Variants in ADARB2 observed in about 807,000 individuals in gnomAD.
ADARB2 encodes inactive double-stranded RNA-specific editase B2.
In ADARB2, 25 loss-of-function variants were observed where a neutral mutation model predicts 62.2. That is an observed-to-expected ratio of 0.40 (90% CI 0.29 to 0.56). ADARB2 has a LOEUF of 0.56. Ranked by LOEUF, ADARB2 falls within the 20% of genes least tolerant of loss-of-function variation. The probability of loss-of-function intolerance (pLI) is 0.43; values close to 1 mark genes in which losing one functional copy is unlikely to be tolerated. For missense variants in ADARB2, 1,071 were observed against 1,077.4 expected (o/e 0.99, Z 0.08); for synonymous variants, 572 against 500.8 (o/e 1.14, Z -1.90).
At chr10:1,701,888 C>A (rs1346783836) in intron 1 of ADARB2, among the ~76,000 whole-genome samples, 2 of 150,912 alleles carry the variant, frequency 1.3e-5, no homozygotes, top group Non-Finnish European at 1.5e-5. Context: ...ACCAGGCGCT[C>A]GCCAATACAC....
chr10:1,593,188 T>C (rs909206649), intron 1 of ADARB2, among the ~76,000 whole-genome samples: 1 of 124,284 alleles, frequency 8.0e-6, no homozygotes, highest in African/African-American at 3.2e-5. Flanking sequence ...TGGTCCCCTC[T>C]GTCACCCAGC....
intron 1 of ADARB2, among the ~76,000 whole-genome samples, chr10:1,561,935 C>T (rs954390473): frequency 6.6e-6 from 1 of 152,340 alleles, no homozygotes; most frequent in Non-Finnish European, 1.5e-5. Context: ...TGCCTAGAAG[C>T]CCTGGAAATA....
rs556449712 is a variant in ADARB2 at position 1,538,472 on chromosome 10, G to C, written c.101-159312C>G. On this transcript the variant is annotated intron_variant, in intron 1 of 9. Coordinates refer to ENST00000381312, the MANE Select transcript of ADARB2 (RefSeq NM_018702.4). ...ATCCCCAAGCATCTGGTAGACGAGA[G>C]AGAAGTGGGCAGCTGTGGCAGAGCC... Among the ~76,000 whole-genome samples the C allele has an allele frequency of 7.9e-5, 12 of 152,368 alleles. No individual in the cohort carries two copies. In the East Asian group the frequency reaches 1.5e-3, roughly 20 times the overall value.
chr10:1,677,318 A>G (rs1376973453), intron 1 of ADARB2, among the ~76,000 whole-genome samples: 1 of 152,184 alleles, frequency 6.6e-6, no homozygotes, highest in Non-Finnish European at 1.5e-5. Flanking sequence ...GACTTGTTTT[A>G]GGCTTGCAAG....
At chr10:1,355,210 C>CTT (rs55913100) in intron 3 of ADARB2, among the ~76,000 whole-genome samples, 142,885 of 152,230 alleles carry the variant, frequency 0.94, 67,741 homozygotes, top group Middle Eastern at 1. Context: ...AACAAACACT[C>CTT]TTGTCACTCT....
chr10:1,406,459 G>T (rs1201681000), intron 1 of ADARB2, among the ~76,000 whole-genome samples: 1 of 152,162 alleles, frequency 6.6e-6, no homozygotes, highest in Non-Finnish European at 1.5e-5. Flanking sequence ...AGCCCACAGA[G>T]GATCACCTCC....
intron 1 of ADARB2, among the ~76,000 whole-genome samples, chr10:1,495,899 A>T (rs1408423053): frequency 6.6e-6 from 1 of 152,080 alleles, no homozygotes; most frequent in African/African-American, 2.4e-5. Flanking sequence ...CTTCATTAGT[A>T]TCAACATTAT....
At chr10:1,294,906 G>A (rs1473103019) in intron 3 of ADARB2, among the ~76,000 whole-genome samples, 6 of 152,214 alleles carry the variant, frequency 3.9e-5, no homozygotes, top group African/African-American at 9.6e-5. Context: ...CCCCGACCTA[G>A]ACCAATTGTG....
intron 1 of ADARB2, among the ~76,000 whole-genome samples, chr10:1,461,373 T>TA (rs1417014896): frequency 1.3e-5 from 2 of 152,234 alleles, no homozygotes; most frequent in African/African-American, 4.8e-5. Context: ...ATGGTCACTG[T>TA]AATTATAGCC....
In ADARB2 at chr10:1,354,872, A is replaced by C. The variant is rs11250448; in HGVS notation, c.1077+8156T>G. ...CCATTGTCTACCCCAGGGAGGCTGT[A>C]GGCTCTCTGCTTACAGAGCCACCTT... On this transcript the variant is annotated intron_variant, in intron 3 of 9. Transcript: ENST00000381312. Among the ~76,000 whole-genome samples, 1,396 of 152,294 alleles carry C rather than the reference A, an allele frequency of 9.2e-3. 23 individuals are homozygous for C. Among genetic ancestry groups the C allele is most frequent in the African/African-American group, 0.031 (1,301 of 41,562 alleles).
Position 1,737,366 on chromosome 10 carries a change from G to A in ADARB2, c.-216C>T, listed in dbSNP as rs1204390312. ...CCACTGGGCTGGGGGCCTCGGCTGG[G>A]CGCCTGGAGCGAGCTGCTCCCTGGT... On this transcript the variant is annotated 5_prime_UTR_variant, in exon 1 of 10. Coordinates refer to ENST00000381312, the MANE Select transcript of ADARB2 (RefSeq NM_018702.4). 9.2e-6 allele frequency: 5 copies of A among 542,162 alleles called. No homozygotes were observed. The allele number at this position is 542,162 out of a possible 1,614,324, so 33.6% of individuals were successfully genotyped here.
chr10:1,301,002 C>T lies in ADARB2; in HGVS notation c.1078-29933G>A, dbSNP rs577070139. On this transcript the variant is annotated intron_variant, in intron 3 of 9. Coordinates refer to ENST00000381312, the MANE Select transcript of ADARB2 (RefSeq NM_018702.4). Reference sequence around the variant, plus strand: ...TTGGCCCTGGTGTCCACTCTATTGCCGGACCGTGGTGTCATCTCCCACTTA... The same window carrying T: ...TTGGCCCTGGTGTCCACTCTATTGCTGGACCGTGGTGTCATCTCCCACTTA... Among the ~76,000 whole-genome samples, 300 of 152,292 alleles carry T rather than the reference C, an allele frequency of 2.0e-3. 1 individual carries two copies. Among genetic ancestry groups the T allele is most frequent in the African/African-American group, 6.5e-3 (270 of 41,556 alleles).
At chr10:1,732,980 A>G (rs1165263723) in intron 1 of ADARB2, among the ~76,000 whole-genome samples, 1 of 152,246 alleles carries the variant, frequency 6.6e-6, no homozygotes, top group Non-Finnish European at 1.5e-5. Context: ...CTCGTGCTCA[A>G]AATGTATTTT....
intron 3 of ADARB2, among the ~76,000 whole-genome samples, chr10:1,319,167 C>G (rs1831772763): frequency 6.6e-6 from 1 of 152,106 alleles, no homozygotes; most frequent in African/African-American, 2.4e-5. Context: ...TCCTTACACA[C>G]AGAGATACAG....
intron 6 of ADARB2, among the ~76,000 whole-genome samples, chr10:1,229,053 G>C (rs957676350): frequency 6.6e-6 from 1 of 152,206 alleles, no homozygotes; most frequent in Non-Finnish European, 1.5e-5. Flanking sequence ...GACCCTGATA[G>C]ATAAGCCAGA....
In ADARB2 at chr10:1,516,495, G is replaced by A. The variant is rs577575225; in HGVS notation, c.101-137335C>T. On this transcript the variant is annotated intron_variant, in intron 1 of 9. Transcript: ENST00000381312. ...CTTTGTGTGGGCTGCTCTGTGCTAT[G>A]CGGGCTGCTCTGTGCGGGCTGCTCT... 1.4e-3 allele frequency among the ~76,000 whole-genome samples: 207 copies of A among 151,884 alleles called. 1 individual carries two copies. The highest frequency in any genetic ancestry group is 2.5e-3 in the Non-Finnish European group (169 of 67,896).
chr10:1,600,274 C>A (rs1833392856), intron 1 of ADARB2, among the ~76,000 whole-genome samples: 3 of 152,122 alleles, frequency 2.0e-5, no homozygotes, highest in Non-Finnish European at 2.9e-5. Flanking sequence ...CTTAGGGAAA[C>A]TGGCATTGGC....
intron 1 of ADARB2, among the ~76,000 whole-genome samples, chr10:1,711,119 T>C (rs1453094367): frequency 3.3e-5 from 5 of 152,156 alleles, no homozygotes; most frequent in African/African-American, 4.8e-5. Context: ...CACGGGTACC[T>C]AACCTCAGCA....
At chr10:1,646,425 C>T (rs2119065551) in intron 1 of ADARB2, among the ~76,000 whole-genome samples, 1 of 152,316 alleles carries the variant, frequency 6.6e-6, no homozygotes, top group South Asian at 2.1e-4. Context: ...GAACAGTGGT[C>T]TCATTGAATA....
Sources: allele counts gnomAD v4.1 joint callset (sites outside exome capture counted in the v4.1 genomes callset), GRCh38; gene constraint gnomAD v4.1.1; transcripts MANE v1.5; gene names NCBI Gene and HGNC (gene_info 2026-07-23, HGNC 2026-07-21).